The following ANKRD30B variants were observed in gnomAD, a reference collection of about 807,000 sequenced individuals.
The protein encoded by ANKRD30B is ankyrin repeat domain-containing protein 30B.
A neutral mutation model predicts 202.2 loss-of-function variants in ANKRD30B; 144 were observed. That is an observed-to-expected ratio of 0.71 (90% CI 0.62 to 0.82). The LOEUF (loss-of-function observed/expected upper bound fraction) is 0.82. ANKRD30B is among the 40% of genes least tolerant of loss of function. ANKRD30B has a pLI of 0.00. For missense variants in ANKRD30B, 1,487 were observed against 1,669.1 expected, an observed-to-expected ratio of 0.89 and a Z score of 1.90; for synonymous variants, 508 against 561.3, an observed-to-expected ratio of 0.91 and a Z score of 1.34.
chr18:14,849,244 T>C (rs1178215524), intron 40 of ANKRD30B, among the ~76,000 whole-genome samples: 2 of 151,960 alleles, frequency 1.3e-5, no homozygotes, highest in African/African-American at 4.8e-5. Context: ...TAACTGCATG[T>C]AAATCTTTTT....
At chr18:14,854,024 C>T (rs555228089) in intron 43 of ANKRD30B, among the ~76,000 whole-genome samples, 81 bp downstream of exon 43, 2 of 152,250 alleles carry the variant, frequency 1.3e-5, no homozygotes, top group Admixed American at 1.3e-4. Context: ...AACAGTGAGT[C>T]TATAACTGGT....
At chr18:14,805,734 C>A (rs1969469364) in intron 24 of ANKRD30B, among the ~76,000 whole-genome samples, 1 of 150,704 alleles carries the variant, frequency 6.6e-6, no homozygotes, top group African/African-American at 2.5e-5. Flanking sequence ...CTACGTTCAG[C>A]TTTTGCATTT....
At chr18:14,836,546 T>A (rs1273164803) in intron 34 of ANKRD30B, among the ~76,000 whole-genome samples, 3 of 152,136 alleles carry the variant, frequency 2.0e-5, no homozygotes, top group Non-Finnish European at 4.4e-5. Context: ...TTGCCCCATC[T>A]CCCCATGTTC....
At chr18:14,840,051 C>T (rs546438693) in intron 36 of ANKRD30B, among the ~76,000 whole-genome samples, 3 of 152,154 alleles carry the variant, frequency 2.0e-5, no homozygotes, top group African/African-American at 7.2e-5. Flanking sequence ...TGCTCAGTAA[C>T]CTAGTCAATA....
At chr18:14,821,736 G>C (rs1598676217) in intron 30 of ANKRD30B, among the ~76,000 whole-genome samples, 1 of 152,194 alleles carries the variant, frequency 6.6e-6, no homozygotes, top group Non-Finnish European at 1.5e-5. Context: ...GGAGTTACAG[G>C]CATGAGCCAT....
intron 39 of ANKRD30B, among the ~76,000 whole-genome samples, chr18:14,848,368 A>G (rs539702629): frequency 6.6e-5 from 10 of 152,090 alleles, no homozygotes; most frequent in Non-Finnish European, 1.3e-4. Context: ...CCCTTGCTCA[A>G]CTGCTTCCTT....
In ANKRD30B at chr18:14,837,391, A is replaced by G. The variant is rs184788493; in HGVS notation, c.2926+102A>G. 2.4e-4 allele frequency: 260 copies of G among 1,071,908 alleles called. No homozygotes were observed. The African/African-American group carries it at 3.8e-3, about 15-fold the overall frequency. The allele number at this position is 1,071,908 out of a possible 1,614,324, so 66.4% of individuals were successfully genotyped here. Reference sequence around the variant, plus strand: ...TTTAAATGCTGTTATATAGAAAACAATTTTTTAGCCCAAAATACAATGTCT... The same window carrying G: ...TTTAAATGCTGTTATATAGAAAACAGTTTTTTAGCCCAAAATACAATGTCT... On this transcript the variant is annotated intron_variant, in intron 35 of 43. Transcript: ENST00000690538.
intron 3 of ANKRD30B, among the ~76,000 whole-genome samples, chr18:14,754,040 T>C (rs1295247539): frequency 6.6e-6 from 1 of 152,152 alleles, no homozygotes; most frequent in Non-Finnish European, 1.5e-5. Context: ...AATAAACTTT[T>C]ATACTGAATT....
the ANKRD30B span, among the ~76,000 whole-genome samples, chr18:14,921,722 GCAAA>G: frequency 2.6e-5 from 4 of 152,304 alleles, no homozygotes; most frequent in Non-Finnish European, 5.9e-5. Flanking sequence ...TGTTTATAAT[GCAAA>G]CAGAGGCATG....
In ANKRD30B at chr18:14,796,476, G is replaced by C. The variant is rs550577145; in HGVS notation, c.1927+61G>C. The C allele has an allele frequency of 2.7e-6, 4 of 1,474,970 alleles. No homozygotes were observed. The African/African-American group carries it at 5.7e-5, about 21-fold the overall frequency. The allele number at this position is 1,474,970 out of a possible 1,614,324, so 91.4% of individuals were successfully genotyped here. On this transcript the variant is annotated intron_variant, in intron 18 of 43. Coordinates refer to ENST00000690538, the MANE Select transcript of ANKRD30B (RefSeq NM_001367607.2). Reference sequence around the variant, plus strand: ...AGAATATTAAACTATTTGAAATGCCGAGAGGCTTTTATTCCCAATGTTGTT... The same window carrying C: ...AGAATATTAAACTATTTGAAATGCCCAGAGGCTTTTATTCCCAATGTTGTT...
At chr18:14,927,324 C>A in the ANKRD30B span, among the ~76,000 whole-genome samples, 1 of 152,128 alleles carries the variant, frequency 6.6e-6, no homozygotes, top group South Asian at 2.1e-4. Flanking sequence ...TTCCATACCC[C>A]ACCTAGCTCA....
At chr18:14,886,937 C>G in the ANKRD30B span, among the ~76,000 whole-genome samples, 1 of 152,106 alleles carries the variant, frequency 6.6e-6, no homozygotes, top group South Asian at 2.1e-4. Flanking sequence ...TTTCTACATC[C>G]TGGTCGTATA....
At chr18:14,764,457 G>A (rs559669787) in intron 7 of ANKRD30B, among the ~76,000 whole-genome samples, 87 of 152,162 alleles carry the variant, frequency 5.7e-4, no homozygotes, top group Non-Finnish European at 9.7e-4. Flanking sequence ...TGGCGCGAGC[G>A]ATCTCGGCTC....
intron 10 of ANKRD30B, among the ~76,000 whole-genome samples, chr18:14,779,211 C>T (rs1240894900): frequency 6.6e-6 from 1 of 152,132 alleles, no homozygotes; most frequent in African/African-American, 2.4e-5. Flanking sequence ...TTTTCTGCCT[C>T]ATGGCTCTCA....
At chr18:14,796,582 A>T (rs1422188404) in intron 18 of ANKRD30B, among the ~76,000 whole-genome samples, 167 bp downstream of exon 18, 1 of 152,196 alleles carries the variant, frequency 6.6e-6, no homozygotes, top group Non-Finnish European at 1.5e-5. Flanking sequence ...GCCATTTACA[A>T]GCATAAGATT....
intron 15 of ANKRD30B, among the ~76,000 whole-genome samples, chr18:14,790,190 TTGTC>T (rs1370127147): frequency 6.6e-6 from 1 of 152,176 alleles, no homozygotes; most frequent in African/African-American, 2.4e-5. Context: ...GGCTCTCTGT[TTGTC>T]TGTTATTGGT....
the ANKRD30B span, among the ~76,000 whole-genome samples, chr18:14,938,478 T>A: frequency 1.3e-5 from 2 of 152,168 alleles, no homozygotes; most frequent in African/African-American, 4.8e-5. Flanking sequence ...TCAGGCATCT[T>A]GGCTGGCCAT....
At chr18:14,891,699 A>G in the ANKRD30B span, among the ~76,000 whole-genome samples, 1 of 152,172 alleles carries the variant, frequency 6.6e-6, no homozygotes, top group Non-Finnish European at 1.5e-5. Context: ...ATGAAGGATT[A>G]TGATGTTGAT....
the ANKRD30B span, among the ~76,000 whole-genome samples, chr18:14,929,393 C>T: frequency 1.3e-5 from 2 of 152,198 alleles, no homozygotes; most frequent in African/African-American, 4.8e-5. Context: ...CATCACAGGT[C>T]TGGATGCCCA....
Sources: allele counts gnomAD v4.1 joint callset (sites outside exome capture counted in the v4.1 genomes callset), GRCh38; gene constraint gnomAD v4.1.1; transcripts MANE v1.5; gene names NCBI Gene and HGNC (gene_info 2026-07-23, HGNC 2026-07-21).